The following RGS22 variants were observed in gnomAD, a reference collection of about 807,000 sequenced individuals.
RGS22 encodes the protein regulator of G-protein signaling 22.
A neutral mutation model predicts 172.9 loss-of-function variants in RGS22; 148 were observed. The ratio of observed to expected loss-of-function variants is 0.86; its 90% CI spans 0.75 to 0.98. The LOEUF (loss-of-function observed/expected upper bound fraction) is 0.98, where lower values mean the gene tolerates loss of function less well. Ranked by LOEUF, RGS22 falls within the 50% of genes least tolerant of loss-of-function variation. The probability of loss-of-function intolerance (pLI) is 0.00; values close to 1 mark genes in which losing one functional copy is unlikely to be tolerated. For missense variants in RGS22, 1,347 were observed against 1,440.8 expected, an observed-to-expected ratio of 0.93 and a Z score of 1.05; for synonymous variants, 458 against 480.2, an observed-to-expected ratio of 0.95 and a Z score of 0.60.
Position 100,034,700 on chromosome 8 carries a change from A to G in RGS22, c.2166+4231T>C, listed in dbSNP as rs536346698. Among the ~76,000 whole-genome samples the G allele has an allele frequency of 3.9e-5, 6 of 152,338 alleles. No individual in the cohort carries two copies. The South Asian group carries it at 1.2e-3, about 32-fold the overall frequency. On this transcript the variant is annotated intron_variant, in intron 14 of 27. Transcript: ENST00000360863. Reference sequence around the variant, plus strand: ...AGAACAAAGCTGGAGGCATCACGCTATCCGACTTCAAACTATACTCCAAGT... The same window carrying G: ...AGAACAAAGCTGGAGGCATCACGCTGTCCGACTTCAAACTATACTCCAAGT...
At chr8:99,966,715 C>T (rs986595897) in intron 23 of RGS22, among the ~76,000 whole-genome samples, 3 of 152,156 alleles carry the variant, frequency 2.0e-5, no homozygotes, top group African/African-American at 7.2e-5. Flanking sequence ...TCAAATTAGT[C>T]TTTAAAAATG....
In RGS22 at chr8:100,056,201, G is replaced by A. The variant is rs547912080; in HGVS notation, c.1515-3225C>T. 2.0e-5 allele frequency among the ~76,000 whole-genome samples: 3 copies of A among 152,290 alleles called. No individual in the cohort carries two copies. In the South Asian group the frequency reaches 6.2e-4, roughly 32 times the overall value. On this transcript the variant is annotated intron_variant, in intron 9 of 27. Transcript: ENST00000360863. ...GGTGGCATTTTGCCCCTGCCCCAGA[G>A]ATCTGTGGAACTTTGAACTTGAGAG...
chr8:100,075,824 T>C (rs1811305684), intron 4 of RGS22, among the ~76,000 whole-genome samples: 2 of 152,254 alleles, frequency 1.3e-5, no homozygotes, highest in Non-Finnish European at 2.9e-5. Flanking sequence ...GTAGCTGTAC[T>C]GTCTTACAAT....
At chr8:100,092,650 C>T (rs1231452698) in intron 3 of RGS22, among the ~76,000 whole-genome samples, 1 of 152,200 alleles carries the variant, frequency 6.6e-6, no homozygotes, top group Non-Finnish European at 1.5e-5. Context: ...TCACCAGATG[C>T]AGCCCCTTGA....
chr8:99,989,456 T>C lies in RGS22; in HGVS notation c.3019-1837A>G, dbSNP rs79205270. The stretch of plus-strand genomic sequence containing the variant: ...TATTTTTATTTCTATTTCAATTTGA[T>C]TTGATTTTTTATGTATGCTCCTGCT... On this transcript the variant is annotated intron_variant, in intron 20 of 27. Transcript: ENST00000360863. Among the ~76,000 whole-genome samples the C allele has an allele frequency of 6.9e-3, 1,054 of 152,348 alleles. 12 individuals are homozygous for C. The highest frequency in any genetic ancestry group is 0.024 in the African/African-American group (1,008 of 41,582).
chr8:100,047,098 A>G (rs1586110730), intron 11 of RGS22, among the ~76,000 whole-genome samples: 1 of 152,134 alleles, frequency 6.6e-6, no homozygotes, highest in Non-Finnish European at 1.5e-5. Flanking sequence ...TACAGCTCTG[A>G]GCCACCGTGT....
intron 20 of RGS22, among the ~76,000 whole-genome samples, chr8:99,990,153 A>T (rs1463362601): frequency 6.6e-6 from 1 of 152,162 alleles, no homozygotes; most frequent in Non-Finnish European, 1.5e-5. Flanking sequence ...TTAAGAATAG[A>T]GCTCCTTATT....
intron 17 of RGS22, among the ~76,000 whole-genome samples, chr8:100,003,473 A>G (rs1228571926): frequency 1.3e-5 from 2 of 151,986 alleles, no homozygotes; most frequent in African/African-American, 4.8e-5. Flanking sequence ...TATTAGATAA[A>G]TATGTTATAA....
intron 23 of RGS22, among the ~76,000 whole-genome samples, chr8:99,969,556 C>CA (rs1204332291): frequency 2.4e-4 from 35 of 148,026 alleles, no homozygotes; most frequent in South Asian, 6.4e-4. Flanking sequence ...AAATGGAAAG[C>CA]AAAAAAAAAG....
intron 14 of RGS22, among the ~76,000 whole-genome samples, chr8:100,017,601 T>C (rs931318016): frequency 3.4e-4 from 51 of 151,656 alleles, no homozygotes; most frequent in African/African-American, 1.1e-3. Context: ...CAACTGAGTA[T>C]ATATATATAT....
At chr8:99,962,324 G>A (rs1314510723) in intron 27 of RGS22, 70 bp downstream of exon 27, 21 of 929,720 alleles carry the variant, frequency 2.3e-5, no homozygotes, top group Admixed American at 2.1e-4. Context: ...GTGTGCATGC[G>A]TGCATGTACA....
At chr8:99,963,035 G>T in intron 24 of RGS22, 57 bp from the exon 25 acceptor site, 1 of 1,381,390 alleles carries the variant, frequency 7.2e-7, no homozygotes, top group Non-Finnish European at 9.8e-7. Context: ...GAAATAAACT[G>T]AAGATAAGAT....
intron 3 of RGS22, among the ~76,000 whole-genome samples, chr8:100,086,902 C>A (rs147691455): frequency 6.1e-4 from 93 of 152,156 alleles, no homozygotes; most frequent in Non-Finnish European, 1.2e-3. Context: ...GAGGCAGAAT[C>A]CAGATGAAGA....
chr8:100,010,983 G>A (rs1314734396), intron 14 of RGS22, among the ~76,000 whole-genome samples: 1 of 151,714 alleles, frequency 6.6e-6, no homozygotes, highest in African/African-American at 2.4e-5. Flanking sequence ...CTAAAGATAA[G>A]TTGGAGTCAA....
chr8:100,036,977 A>AC (rs1819565970), intron 14 of RGS22, among the ~76,000 whole-genome samples: 1 of 152,172 alleles, frequency 6.6e-6, no homozygotes, highest in Admixed American at 6.5e-5. Context: ...TTGAAAATTT[A>AC]CCCCTGAAGA....
At chr8:100,098,444 AGCTT>A (rs935587424) in intron 2 of RGS22, among the ~76,000 whole-genome samples, 3 of 152,252 alleles carry the variant, frequency 2.0e-5, no homozygotes, top group African/African-American at 7.2e-5. Flanking sequence ...TTGAAAGTAT[AGCTT>A]GCCTAGATCA....
chr8:100,069,958 G>C (rs1340650827), intron 6 of RGS22, among the ~76,000 whole-genome samples: 2 of 149,006 alleles, frequency 1.3e-5, no homozygotes, highest in Admixed American at 6.7e-5. Context: ...AATCCTGGAG[G>C]TGGAGGTTGC....
chr8:99,987,106 T>G (rs1813180915), intron 21 of RGS22, among the ~76,000 whole-genome samples: 1 of 152,152 alleles, frequency 6.6e-6, no homozygotes, highest in South Asian at 2.1e-4. Context: ...GGTTGAGCAT[T>G]CCAAACCCAA....
intron 23 of RGS22, among the ~76,000 whole-genome samples, chr8:99,977,579 T>C (rs575338036): frequency 1.3e-5 from 2 of 152,278 alleles, no homozygotes; most frequent in African/African-American, 4.8e-5. Context: ...GATACTATCA[T>C]TGAGGATCTT....
Sources: gnomAD v4.1 joint callset for allele counts (sites outside exome capture counted in the v4.1 genomes callset) on GRCh38, gnomAD v4.1.1 for gene constraint, MANE v1.5 for transcripts, NCBI Gene and HGNC (gene_info 2026-07-23, HGNC 2026-07-21) for gene names.